Variants in WDFY4 observed in about 807,000 individuals in gnomAD.
WDFY4 encodes the protein WD repeat- and FYVE domain-containing protein 4.
A neutral mutation model predicts 351.9 loss-of-function variants in WDFY4; 169 were observed. That is an observed-to-expected ratio of 0.48 (90% CI 0.42 to 0.55). The LOEUF (loss-of-function observed/expected upper bound fraction) is 0.55. Among genes scored for constraint, WDFY4 ranks in the 20% least tolerant of loss-of-function variants. The probability of loss-of-function intolerance (pLI) is 0.00; values close to 1 mark genes in which losing one functional copy is unlikely to be tolerated. For missense variants in WDFY4, 3,803 were observed against 3,935.6 expected (o/e 0.97, Z 0.90); for synonymous variants, 1,622 against 1,574.6 (o/e 1.03, Z -0.71).
rs1037795902 is a variant in WDFY4, at chr10:48,714,234, G to C, written c.234+4268G>C. On this transcript the variant is annotated intron_variant, in intron 2 of 61. Transcript: ENST00000325239. ...ACTGGATGTCCTTGCTCAGTGCTGG[G>C]GTTTCTAGGATAAAGCAGGTCTGGT... 3.3e-5 allele frequency among the ~76,000 whole-genome samples: 5 copies of C among 152,150 alleles called. No individual in the cohort carries two copies. In the East Asian group the frequency reaches 9.6e-4, roughly 29 times the overall value.
chr10:48,715,148 C>T (rs1305454025), intron 2 of WDFY4, among the ~76,000 whole-genome samples: 1 of 152,256 alleles, frequency 6.6e-6, no homozygotes, highest in Non-Finnish European at 1.5e-5. Context: ...CTGCCAGCAC[C>T]ATCTTGTCAG....
intron 53 of WDFY4, 81 bp from the exon 54 acceptor site, chr10:48,963,761 T>C (rs1590003364): frequency 7.2e-7 from 1 of 1,383,422 alleles, no homozygotes; most frequent in African/African-American, 1.4e-5. Flanking sequence ...CTCTGAAGCA[T>C]GTGCCCCTTC....
At chr10:48,844,538 G>T (rs2068713754) in intron 39 of WDFY4, among the ~76,000 whole-genome samples, 1 of 152,166 alleles carries the variant, frequency 6.6e-6, no homozygotes, top group African/African-American at 2.4e-5. Flanking sequence ...GTTGCAGTGA[G>T]CCGAGATTGA....
intron 47 of WDFY4, among the ~76,000 whole-genome samples, chr10:48,929,632 C>T (rs2671704): frequency 0.92 from 139,871 of 152,284 alleles, 65,069 homozygotes; most frequent in East Asian, 1. Flanking sequence ...TATACACTAA[C>T]GATTGCCCGG....
intron 43 of WDFY4, among the ~76,000 whole-genome samples, chr10:48,880,052 C>G (rs890975844): frequency 1.1e-4 from 17 of 152,318 alleles, no homozygotes; most frequent in African/African-American, 3.4e-4. Flanking sequence ...TTGGATGGGA[C>G]AGCCTCCTGG....
chr10:48,766,630 C>T (rs1051024128), intron 13 of WDFY4, among the ~76,000 whole-genome samples: 14 of 152,076 alleles, frequency 9.2e-5, no homozygotes, highest in African/African-American at 3.1e-4. Context: ...AAAAAGCAAA[C>T]AGACATAATC....
At chr10:48,782,576 G>A (rs2066264231) in intron 19 of WDFY4, among the ~76,000 whole-genome samples, 1 of 152,194 alleles carries the variant, frequency 6.6e-6, no homozygotes, top group African/African-American at 2.4e-5. Context: ...CTGACAGAGT[G>A]CGCTTTCCAA....
chr10:48,752,041 C>T (rs2065200649), intron 12 of WDFY4, among the ~76,000 whole-genome samples: 1 of 152,162 alleles, frequency 6.6e-6, no homozygotes, highest in South Asian at 2.1e-4. Context: ...CTGTCGTACC[C>T]ACAGGTCCCT....
chr10:48,810,859 C>A, intron 29 of WDFY4, 124 bp downstream of exon 29: 1 of 1,056,566 alleles, frequency 9.5e-7, no homozygotes, highest in Non-Finnish European at 1.3e-6. Context: ...CACCTCGAGC[C>A]CTGACTCCAA....
At chr10:48,913,316 TCCTGTGGAGGTAGCCCACTGC>T in intron 47 of WDFY4, 3 of 1,402,758 alleles carry the variant, frequency 2.1e-6, no homozygotes, top group Middle Eastern at 4.1e-4. Flanking sequence ...GCCCTTGGTT[TCCTGTGGAGGTAGCCCACTGC>T]CCTCTTCCCT....
intron 12 of WDFY4, among the ~76,000 whole-genome samples, chr10:48,753,377 T>G (rs991100837): frequency 3.9e-5 from 6 of 152,190 alleles, no homozygotes; most frequent in Admixed American, 3.9e-4. Flanking sequence ...TTTGATGAAG[T>G]CCAGTTTATC....
chr10:48,766,484 G>T (rs2065675506), intron 13 of WDFY4, among the ~76,000 whole-genome samples: 1 of 152,156 alleles, frequency 6.6e-6, no homozygotes, highest in Admixed American at 6.5e-5. Context: ...CAGCTACTTG[G>T]AAGAGTGAAA....
chr10:48,725,428 G>A (rs944505167), intron 5 of WDFY4, among the ~76,000 whole-genome samples: 9 of 152,184 alleles, frequency 5.9e-5, no homozygotes, highest in African/African-American at 2.2e-4. Context: ...AAGGGGATTG[G>A]CGGGAACAAG....
intron 47 of WDFY4, among the ~76,000 whole-genome samples, chr10:48,921,905 G>A (rs563440993): frequency 1.1e-3 from 166 of 152,140 alleles, no homozygotes; most frequent in Middle Eastern, 0.01. Flanking sequence ...AAGACACTTC[G>A]GAAATTTCTT....
intron 2 of WDFY4, among the ~76,000 whole-genome samples, chr10:48,710,568 G>T (rs911144041): frequency 2.0e-5 from 3 of 152,172 alleles, no homozygotes; most frequent in Admixed American, 6.5e-5. Flanking sequence ...AACCCAGTTT[G>T]GGAGCTAGAA....
chr10:48,860,456 A>G (rs1452671513), intron 39 of WDFY4, among the ~76,000 whole-genome samples: 1 of 152,136 alleles, frequency 6.6e-6, no homozygotes, highest in Non-Finnish European at 1.5e-5. Flanking sequence ...GGAGAGAGAA[A>G]GCTCTGGTGT....
intron 11 of WDFY4, among the ~76,000 whole-genome samples, chr10:48,739,441 T>A (rs180816778): frequency 6.6e-6 from 1 of 152,240 alleles, no homozygotes; most frequent in Admixed American, 6.5e-5. Context: ...TGCATTATCA[T>A]GCAAAGTTGA....
At chr10:48,882,980 C>A (rs2070312414) in intron 43 of WDFY4, among the ~76,000 whole-genome samples, 1 of 152,210 alleles carries the variant, frequency 6.6e-6, no homozygotes, top group African/African-American at 2.4e-5. Flanking sequence ...CTCTCTTATT[C>A]TCAGTTCATG....
chr10:48,762,772 G>A (rs1267481969), intron 13 of WDFY4, among the ~76,000 whole-genome samples: 1 of 152,200 alleles, frequency 6.6e-6, no homozygotes, highest in East Asian at 1.9e-4. Context: ...AGGCTCTTTA[G>A]CAGGGCACAC....
Sources: gnomAD v4.1 joint callset for allele counts (sites outside exome capture counted in the v4.1 genomes callset) on GRCh38, gnomAD v4.1.1 for gene constraint, MANE v1.5 for transcripts, NCBI Gene and HGNC (gene_info 2026-07-23, HGNC 2026-07-21) for gene names.